Variants in FNDC3B observed in about 807,000 individuals in gnomAD.
The protein encoded by FNDC3B is fibronectin type III domain-containing protein 3B.
A neutral mutation model predicts 151.5 loss-of-function variants in FNDC3B; 12 were observed. The ratio of observed to expected loss-of-function variants is 0.08; its 90% CI spans 0.05 to 0.13. The LOEUF is 0.13. FNDC3B is among the 10% of genes least tolerant of loss of function. The probability of loss-of-function intolerance (pLI) is 1.00; values close to 1 mark genes in which losing one functional copy is unlikely to be tolerated. For synonymous variants in FNDC3B, 528 were observed against 549.0 expected (o/e 0.96, Z 0.54); for missense variants, 1,214 against 1,505.3 (o/e 0.81, Z 3.20).
At chr3:172,367,637 C>T (rs945783511) in intron 23 of FNDC3B, among the ~76,000 whole-genome samples, 3 of 152,176 alleles carry the variant, frequency 2.0e-5, no homozygotes, top group East Asian at 1.9e-4. Context: ...TTTGAAGATG[C>T]GTTTATCTGT....
intron 2 of FNDC3B, among the ~76,000 whole-genome samples, chr3:172,122,157 A>G (rs1036285850): frequency 1.3e-5 from 2 of 152,220 alleles, no homozygotes; most frequent in African/African-American, 4.8e-5. Flanking sequence ...AGTCCAAATG[A>G]TTGATTTAAA....
chr3:172,090,594 G>T (rs1442906493), intron 1 of FNDC3B, among the ~76,000 whole-genome samples: 1 of 152,102 alleles, frequency 6.6e-6, no homozygotes, highest in Non-Finnish European at 1.5e-5. Context: ...TTGTGAAAAT[G>T]AACTGAAATG....
At chr3:172,279,875 T>A (rs937114087) in intron 6 of FNDC3B, among the ~76,000 whole-genome samples, 4 of 152,104 alleles carry the variant, frequency 2.6e-5, no homozygotes, top group Non-Finnish European at 4.4e-5. Flanking sequence ...TTTTTCTGAG[T>A]AGAAAAGCAA....
At chr3:172,217,901 GT>G (rs1283704530) in intron 3 of FNDC3B, among the ~76,000 whole-genome samples, 7 of 152,140 alleles carry the variant, frequency 4.6e-5, no homozygotes, top group African/African-American at 1.4e-4. Context: ...CGCTGGCCTT[GT>G]GATTTGAAAT....
chr3:172,160,181 A>C (rs1722699024), intron 3 of FNDC3B, among the ~76,000 whole-genome samples: 1 of 152,196 alleles, frequency 6.6e-6, no homozygotes, highest in Non-Finnish European at 1.5e-5. Flanking sequence ...CACACTATAC[A>C]AAACTATGCC....
At chr3:172,242,200 CCTGA>C (rs1250411157) in intron 4 of FNDC3B, among the ~76,000 whole-genome samples, 1 of 152,218 alleles carries the variant, frequency 6.6e-6, no homozygotes, top group East Asian at 1.9e-4. Flanking sequence ...CAGCCTCACT[CCTGA>C]CTGCTTTCAC....
chr3:172,065,435 G>A (rs1486564540), intron 1 of FNDC3B, among the ~76,000 whole-genome samples: 1 of 152,008 alleles, frequency 6.6e-6, no homozygotes, highest in Non-Finnish European at 1.5e-5. Flanking sequence ...TGACTTTTTA[G>A]TGAAACTTGA....
chr3:172,282,683 C>T (rs1560055994), intron 6 of FNDC3B, among the ~76,000 whole-genome samples: 3 of 152,222 alleles, frequency 2.0e-5, no homozygotes, highest in African/African-American at 7.2e-5. Flanking sequence ...CTGCTGCCTT[C>T]TCTTTCTCCC....
At chr3:172,175,158 T>C (rs1723519208) in intron 3 of FNDC3B, among the ~76,000 whole-genome samples, 1 of 151,722 alleles carries the variant, frequency 6.6e-6, no homozygotes, top group South Asian at 2.1e-4. Context: ...GTTGTCTCTC[T>C]CAGTCATCTC....
Position 172,145,896 on chromosome 3 carries a change from C to T in FNDC3B, c.187+12350C>T, listed in dbSNP as rs146609131. Among the ~76,000 whole-genome samples the T allele has an allele frequency of 8.8e-3, 1,305 of 148,110 alleles. 18 individuals carry two copies. Among genetic ancestry groups the T allele is most frequent in the African/African-American group, 0.031 (1,224 of 39,984 alleles). Reference sequence around the variant, plus strand: ...TGGTGTGATCTCGGCTCACTGCAACCTCCGCCACCCGGGTTTAAGCGATTC... The same window carrying T: ...TGGTGTGATCTCGGCTCACTGCAACTTCCGCCACCCGGGTTTAAGCGATTC... On this transcript the variant is annotated intron_variant, in intron 3 of 25. Coordinates refer to ENST00000415807, the MANE Select transcript of FNDC3B (RefSeq NM_022763.4).
intron 3 of FNDC3B, among the ~76,000 whole-genome samples, chr3:172,209,973 G>A (rs879278167): frequency 2.1e-4 from 32 of 152,268 alleles, no homozygotes; most frequent in Non-Finnish European, 1.2e-4. Flanking sequence ...ACAGTGCCCA[G>A]GCTCAGCCAC....
At chr3:172,296,515 C>G (rs1420625369) in intron 8 of FNDC3B, among the ~76,000 whole-genome samples, 1 of 152,180 alleles carries the variant, frequency 6.6e-6, no homozygotes, top group Non-Finnish European at 1.5e-5. Context: ...GGTCTTCCAC[C>G]CCCGACTCTT....
intron 3 of FNDC3B, among the ~76,000 whole-genome samples, chr3:172,205,187 A>G (rs755454201): frequency 1.3e-5 from 2 of 151,732 alleles, no homozygotes; most frequent in Non-Finnish European, 2.9e-5. Context: ...CGCCCAGGCT[A>G]CAGTATTTAC....
intron 3 of FNDC3B, among the ~76,000 whole-genome samples, chr3:172,178,022 C>T (rs1033545573): frequency 5.9e-5 from 9 of 152,120 alleles, no homozygotes; most frequent in South Asian, 4.1e-4. Flanking sequence ...CTGCAGAGGA[C>T]GTGATCTCAT....
chr3:172,044,274 A>T (rs1344760713), intron 1 of FNDC3B, among the ~76,000 whole-genome samples: 1 of 130,142 alleles, frequency 7.7e-6, no homozygotes, highest in Non-Finnish European at 1.5e-5. Context: ...AATAGTGAAA[A>T]TTCCAACTCT....
chr3:172,154,798 T>TG (rs1722403801), intron 3 of FNDC3B, among the ~76,000 whole-genome samples: 1 of 152,172 alleles, frequency 6.6e-6, no homozygotes. Flanking sequence ...TCAAGGTGCC[T>TG]GGGAATAAAA....
intron 1 of FNDC3B, among the ~76,000 whole-genome samples, chr3:172,095,529 G>C (rs1719052290): frequency 1.3e-5 from 2 of 152,120 alleles, no homozygotes; most frequent in Non-Finnish European, 2.9e-5. Context: ...CATAGAGAGG[G>C]GTTTTGTTTA....
chr3:172,337,810 A>T (rs1733063134), intron 16 of FNDC3B: 2 of 209,010 alleles, frequency 9.6e-6, no homozygotes, highest in Non-Finnish European at 1.9e-5. Context: ...ACAGAAGATG[A>T]GGAAGAATAC....
intron 25 of FNDC3B, among the ~76,000 whole-genome samples, chr3:172,396,539 C>T (rs1204525946): frequency 6.6e-6 from 1 of 152,182 alleles, no homozygotes; most frequent in African/African-American, 2.4e-5. Flanking sequence ...GGGTCCCCAA[C>T]CCCCAGGCCG....
Sources: gnomAD v4.1 joint callset for allele counts (sites outside exome capture counted in the v4.1 genomes callset) on GRCh38, gnomAD v4.1.1 for gene constraint, MANE v1.5 for transcripts, NCBI Gene and HGNC (gene_info 2026-07-23, HGNC 2026-07-21) for gene names.